The following LRCH2 variants were observed in gnomAD, a reference collection of about 807,000 sequenced individuals.
LRCH2 encodes the protein leucine rich repeats and calponin homology domain containing 2, also known as leucine-rich repeat and calponin homology domain-containing protein 2.
Under a neutral mutation model 68.9 loss-of-function variants are expected in LRCH2, and 38 were observed. The observed-to-expected ratio is 0.55, with a 90% confidence interval of 0.43 to 0.72. The LOEUF (loss-of-function observed/expected upper bound fraction) is 0.72, where lower values mean the gene tolerates loss of function less well. Ranked by LOEUF, LRCH2 falls within the 30% of genes least tolerant of loss-of-function variation. The probability of loss-of-function intolerance (pLI) is 0.00; values close to 1 mark genes in which losing one functional copy is unlikely to be tolerated. For missense variants in LRCH2, 528 were observed against 572.9 expected (o/e 0.92, Z 0.80); for synonymous variants, 191 against 208.1 (o/e 0.92, Z 0.71).
chrX:115,113,710 A>G, intron 20 of LRCH2, among the ~76,000 whole-genome samples: 1 of 111,736 alleles, frequency 8.9e-6, no homozygotes, highest in Non-Finnish European at 1.9e-5. Context: ...CACCAATGCC[A>G]TCTTAAATGT....
chrX:115,149,693 T>C (rs2072416708), intron 14 of LRCH2, 134 bp downstream of exon 14: 1 of 416,015 alleles, frequency 2.4e-6, no homozygotes. Context: ...TTACCCCATA[T>C]ATGTGAGAAA....
intron 1 of LRCH2, among the ~76,000 whole-genome samples, chrX:115,210,583 A>T (rs1388108079): frequency 1.8e-4 from 20 of 112,126 alleles, no homozygotes; most frequent in African/African-American, 5.2e-4. Context: ...ATGTGGGGTC[A>T]GAGGCCCCAC....
chrX:115,231,890 G>T (rs2147374340), intron 1 of LRCH2, among the ~76,000 whole-genome samples: 1 of 111,794 alleles, frequency 8.9e-6, no homozygotes, highest in Admixed American at 9.5e-5. Flanking sequence ...CCAAGTAAGT[G>T]GTAAAGACAA....
intron 1 of LRCH2, chrX:115,190,562 G>A (rs782183766): frequency 3.5e-6 from 4 of 1,151,796 alleles, no homozygotes; most frequent in Non-Finnish European, 4.6e-6. Context: ...AGCAGTTCCA[G>A]TAACGGTTAC....
At chrX:115,120,341 C>G (rs1458599809) in intron 20 of LRCH2, among the ~76,000 whole-genome samples, 1 of 78,832 alleles carries the variant, frequency 1.3e-5, no homozygotes, top group Non-Finnish European at 2.4e-5. Context: ...ACAAACAACC[C>G]CATCAAAAAG....
chrX:115,230,853 G>A (rs1005239036), intron 1 of LRCH2, among the ~76,000 whole-genome samples: 1 of 110,641 alleles, frequency 9.0e-6, no homozygotes, highest in Admixed American at 9.6e-5. Flanking sequence ...TCTCAGCCCT[G>A]AGTGCATATT....
intron 14 of LRCH2, among the ~76,000 whole-genome samples, chrX:115,146,173 A>C (rs2072380717): frequency 9.0e-6 from 1 of 111,582 alleles, no homozygotes; most frequent in South Asian, 3.7e-4. Flanking sequence ...AAGTGAAATA[A>C]GCCAGGCACA....
intron 1 of LRCH2, among the ~76,000 whole-genome samples, chrX:115,198,934 A>G (rs1556565043): frequency 1.8e-5 from 2 of 112,087 alleles, no homozygotes; most frequent in African/African-American, 6.5e-5. Flanking sequence ...AAAAATGCTG[A>G]AATAAAAAAA....
chrX:115,201,501 G>A (rs1355891286), intron 1 of LRCH2, among the ~76,000 whole-genome samples: 2 of 110,961 alleles, frequency 1.8e-5, no homozygotes, highest in Admixed American at 1.9e-4. Flanking sequence ...AACAAACTAG[G>A]CATAGAAGGA....
chrX:115,157,489 G>A (rs1556540121), intron 11 of LRCH2, among the ~76,000 whole-genome samples: 1 of 107,439 alleles, frequency 9.3e-6, no homozygotes, highest in East Asian at 2.9e-4. Flanking sequence ...CAGAAATATG[G>A]TTAGCATAAA....
intron 1 of LRCH2, among the ~76,000 whole-genome samples, chrX:115,223,904 C>T (rs373021618): frequency 9.5e-6 from 1 of 105,733 alleles, no homozygotes; most frequent in East Asian, 2.9e-4. Flanking sequence ...CCAGCCTGGG[C>T]GACAAGAACG....
Position 115,188,316 on chromosome X carries a change from G to A in LRCH2, c.404C>T (p.Pro135Leu). The part of the protein sequence containing the change: ...EIPSDVWLFA[P>L]LETLNLYHNC... ...ATGATATAAATTTAATGTTTCAAGG[G>A]GTGCAAATAACCAGACATCAGAAGG... Residue 135 changes from proline to leucine, a missense_variant, in exon 2 of 21, where the codon CCC (proline) becomes CTC (leucine). By Grantham distance (98) the Pro-to-Leu change is moderately conservative (BLOSUM62 -3). Transcript: ENST00000317135. 1 of 1,187,834 alleles carries A rather than the reference G, an allele frequency of 8.4e-7. No homozygotes were observed. Among genetic ancestry groups the A allele is most frequent in the Non-Finnish European group, 1.1e-6 (1 of 883,370 alleles).
chrX:115,151,450 T>C (rs2072431422), intron 12 of LRCH2, among the ~76,000 whole-genome samples: 1 of 111,045 alleles, frequency 9.0e-6, no homozygotes, highest in African/African-American at 3.3e-5. Flanking sequence ...GAAAACTAGA[T>C]TCCTTACCTC....
intron 1 of LRCH2, among the ~76,000 whole-genome samples, chrX:115,210,279 C>A (rs1266291276): frequency 9.0e-6 from 1 of 111,146 alleles, no homozygotes; most frequent in Non-Finnish European, 1.9e-5. Context: ...GTCCCAGGGC[C>A]CCTGTGTGGT....
At chrX:115,204,258 T>C (rs1453211716) in intron 1 of LRCH2, among the ~76,000 whole-genome samples, 1 of 113,182 alleles carries the variant, frequency 8.8e-6, no homozygotes, top group East Asian at 2.8e-4. Context: ...CATGAAACCA[T>C]TTTTCCCTCC....
chrX:115,129,826 T>TA (rs1194222119), intron 15 of LRCH2, among the ~76,000 whole-genome samples: 2 of 110,771 alleles, frequency 1.8e-5, no homozygotes, highest in Admixed American at 9.7e-5. Flanking sequence ...ACAAAGTTCC[T>TA]AAAAAAAATC....
At chrX:115,225,969 A>C (rs140013337) in intron 1 of LRCH2, among the ~76,000 whole-genome samples, 1 of 112,224 alleles carries the variant, frequency 8.9e-6, no homozygotes, top group African/African-American at 3.2e-5. Flanking sequence ...GATTCATAGG[A>C]TCTCCTATAC....
At chrX:115,128,964 C>T (rs782241370) in intron 15 of LRCH2, among the ~76,000 whole-genome samples, 2 of 111,890 alleles carry the variant, frequency 1.8e-5, no homozygotes, top group East Asian at 5.6e-4. Context: ...TAGTGTACAG[C>T]CAAAGTTGAG....
chrX:115,171,060 T>TA (rs2072601182), intron 5 of LRCH2, among the ~76,000 whole-genome samples: 2 of 111,694 alleles, frequency 1.8e-5, no homozygotes, highest in South Asian at 7.4e-4. Context: ...AGATACTCTG[T>TA]ATAAAAACAA....
Sources: gnomAD v4.1 joint callset for allele counts (sites outside exome capture counted in the v4.1 genomes callset) on GRCh38, gnomAD v4.1.1 for gene constraint, MANE v1.5 for transcripts, NCBI Gene and HGNC (gene_info 2026-07-23, HGNC 2026-07-21) for gene names.